The following BPIFB4 variants were observed in gnomAD, a reference collection of about 807,000 sequenced individuals.
The protein encoded by BPIFB4 is BPI fold-containing family B member 4.
In BPIFB4, 62 loss-of-function variants were observed where a neutral mutation model predicts 69.2. That is an observed-to-expected ratio of 0.90 (90% confidence interval 0.73 to 1.11). The LOEUF is 1.11. Among genes scored for constraint, BPIFB4 ranks in the 50% least tolerant of loss-of-function variants. The probability of loss-of-function intolerance (pLI) is 0.00; values close to 1 mark genes in which losing one functional copy is unlikely to be tolerated. For synonymous variants in BPIFB4, 330 were observed against 332.7 expected (o/e 0.99, Z 0.09); for missense variants, 789 against 792.0 (o/e 1.00, Z 0.04).
At chr20:33,085,211 T>A (rs2031726364) in intron 6 of BPIFB4, among the ~76,000 whole-genome samples, 2 of 152,004 alleles carry the variant, frequency 1.3e-5, no homozygotes, top group Admixed American at 6.6e-5. Flanking sequence ...TCCCAGCACT[T>A]TGGGAAGCCG....
In BPIFB4 at chr20:33,090,846, A is replaced by G; in HGVS notation, c.1143+47A>G. ...CAAAGGGTGGTGGCCCTCCTCCCAA[A>G]GGCAGGAGTATCAGTGAGGCCCTCC... On this transcript the variant is annotated intron_variant, in intron 10 of 17. Transcript: ENST00000375483. 4.4e-6 allele frequency: 7 copies of G among 1,608,032 alleles called. No individual in the cohort carries two copies. In the South Asian group the frequency reaches 7.8e-5, roughly 18 times the overall value.
intron 17 of BPIFB4, among the ~76,000 whole-genome samples, chr20:33,110,751 ATTT>A (rs200479862): frequency 9.0e-6 from 1 of 111,500 alleles, no homozygotes. Context: ...AGACTCACGA[ATTT>A]TTTTTTTTTT....
At chr20:33,110,448 T>C (rs1348215609) in intron 17 of BPIFB4, among the ~76,000 whole-genome samples, 1 of 152,248 alleles carries the variant, frequency 6.6e-6, no homozygotes, top group Non-Finnish European at 1.5e-5. Context: ...GCTTAAGTGC[T>C]TCTTCACTGT....
intron 8 of BPIFB4, 141 bp from the exon 9 acceptor site, chr20:33,089,357 C>T: frequency 7.3e-7 from 1 of 1,365,372 alleles, no homozygotes; most frequent in Non-Finnish European, 1.0e-6. Flanking sequence ...ACAGCCTTCC[C>T]CACAGGGCTG....
Position 33,104,765 on chromosome 20 carries a change from G to A in BPIFB4, c.1681-45G>A, listed in dbSNP as rs1439568359. ...CAGACCCAAGGGGCCCTCTGGAGCT[G>A]AGCAAACCCCCTGCCCAGGCTCTGT... On this transcript the variant is annotated intron_variant, in intron 15 of 17. Transcript: ENST00000375483. 6 of 1,595,780 alleles carry A rather than the reference G, an allele frequency of 3.8e-6. No homozygotes were observed. The East Asian group carries it at 1.1e-4, about 30-fold the overall frequency.
chr20:33,100,840 A>C (rs1049216838), intron 14 of BPIFB4, among the ~76,000 whole-genome samples: 2 of 152,186 alleles, frequency 1.3e-5, no homozygotes, highest in African/African-American at 4.8e-5. Flanking sequence ...ACATAGCAAG[A>C]CACCATCTCT....
Position 33,111,732 on chromosome 20 carries a change from A to C in BPIFB4, c.*295A>C. On this transcript the variant is annotated 3_prime_UTR_variant, in exon 18 of 18. Transcript: ENST00000375483. Reference sequence around the variant, plus strand: ...GGTTGAGTATTCCCACTTTCAATAAAAGACTCCACTTTCCCGGCACTTGTG... The same window carrying C: ...GGTTGAGTATTCCCACTTTCAATAACAGACTCCACTTTCCCGGCACTTGTG... 5.1e-6 allele frequency: 2 copies of C among 393,426 alleles called. No homozygotes were observed. The highest frequency in any genetic ancestry group is 4.7e-6 in the Non-Finnish European group (1 of 213,268). 24.4% of individuals were successfully genotyped at this position (393,426 alleles called of 1,614,324 possible). A position where few individuals can be genotyped will look rare whatever the true frequency, so the allele number is the denominator to read the frequency against.
At chr20:33,098,979 T>C (rs1261930111) in intron 13 of BPIFB4, among the ~76,000 whole-genome samples, 1 of 150,688 alleles carries the variant, frequency 6.6e-6, no homozygotes, top group African/African-American at 2.5e-5. Flanking sequence ...GTTACTCCCT[T>C]ACTTCCTTTT....
chr20:33,092,844 A>G (rs1159518057), intron 11 of BPIFB4, among the ~76,000 whole-genome samples, 186 bp downstream of exon 11: 1 of 152,234 alleles, frequency 6.6e-6, no homozygotes, highest in Non-Finnish European at 1.5e-5. Context: ...GGTGCTTGGG[A>G]GGATTTCAGG....
chr20:33,099,946 G>T (rs75567475), intron 13 of BPIFB4, among the ~76,000 whole-genome samples: 5,476 of 152,088 alleles, frequency 0.036, 170 homozygotes, highest in African/African-American at 0.086. Flanking sequence ...AGAGAGATGA[G>T]CCTGGGCCTT....
At chr20:33,083,094 G>T in intron 4 of BPIFB4, 94 bp downstream of exon 4, 2 of 538,472 alleles carry the variant, frequency 3.7e-6, no homozygotes, top group Non-Finnish European at 6.2e-6. Flanking sequence ...CTCCTGGGGG[G>T]CCTGCTTGGT....
chr20:33,110,086 C>A (rs373175922), intron 17 of BPIFB4, among the ~76,000 whole-genome samples: 80 of 152,230 alleles, frequency 5.3e-4, no homozygotes, highest in African/African-American at 1.8e-3. Context: ...TGGTACAAAA[C>A]CGTGAAGAAT....
At chr20:33,107,937 A>G in intron 17 of BPIFB4, 117 bp downstream of exon 17, 2 of 884,872 alleles carry the variant, frequency 2.3e-6, no homozygotes, top group East Asian at 5.3e-5. Flanking sequence ...GAAGGGGAGG[A>G]AACAGGGTCC....
Position 33,097,753 on chromosome 20 carries a change from A to G in BPIFB4, c.1535A>G (p.Lys512Arg). The change falls in exon 13 of 18, where the codon AAA becomes AGA. Residue 512 changes from lysine to arginine, a missense_variant. Transcript: ENST00000375483. ...GCCGAGGTCATGGTCTCCCAGCCCA[A>G]AGACCTGGAGACTACCATCTGCCTC... ...ATAEVMVSQPKDLETTICLID... is the reference protein window; with the variant it reads ...ATAEVMVSQPRDLETTICLID... 1 of 1,614,072 alleles carries G rather than the reference A, an allele frequency of 6.2e-7. No individual in the cohort carries two copies. The highest frequency in any genetic ancestry group is 1.1e-5 in the South Asian group (1 of 91,076).
At chr20:33,087,248 C>G (rs2146405020) in intron 7 of BPIFB4, among the ~76,000 whole-genome samples, 1 of 152,306 alleles carries the variant, frequency 6.6e-6, no homozygotes, top group South Asian at 2.1e-4. Context: ...AGGGCCTCCT[C>G]CTATCCCACC....
Position 33,083,602 on chromosome 20 carries a change from C to A in BPIFB4, c.405C>A (p.Gly135=). 6.2e-7 allele frequency: 1 copy of A among 1,613,994 alleles called. No individual in the cohort carries two copies. The highest frequency in any genetic ancestry group is 1.7e-4 in the Middle Eastern group (1 of 6,056). ...AGAATGCATATGGAGGCCACAGGGG[C>A]CTCGGGCGATACAGGGCAGCACCTG... The part of the protein sequence containing the change: ...SAENAYGGHR[G]LGRYRAAPVG... The change falls in exon 5 of 18, where the codon GGC becomes GGA. Residue 135 remains glycine, a synonymous_variant. Coordinates refer to ENST00000375483, the MANE Select transcript of BPIFB4 (RefSeq NM_182519.3).
chr20:33,081,205 T>A (rs1033284681), intron 2 of BPIFB4, among the ~76,000 whole-genome samples: 1 of 152,214 alleles, frequency 6.6e-6, no homozygotes, highest in African/African-American at 2.4e-5. Flanking sequence ...TTTGTTGGAA[T>A]CCCTATTACC....
rs184859093 is a variant in BPIFB4, at chr20:33,089,097, G to A, written c.990+68G>A. ...CCCCAGACTGAGGGGCCATAGTCCA[G>A]CCTCCATCCCTGGGGGCCTGCAGGT... On this transcript the variant is annotated intron_variant, in intron 8 of 17. Transcript: ENST00000375483. 363 of 1,609,964 alleles carry A rather than the reference G, an allele frequency of 2.3e-4. 1 individual carries two copies. The African/African-American group carries it at 4.4e-3, about 20-fold the overall frequency.
At position 33,083,416 on chromosome 20, in the gene BPIFB4, A is replaced by G; in HGVS notation, c.219A>G (p.Pro73=). 1.2e-6 allele frequency: 2 copies of G among 1,613,248 alleles called. No individual in the cohort carries two copies. Among genetic ancestry groups the G allele is most frequent in the Non-Finnish European group, 1.7e-6 (2 of 1,179,504 alleles). The change falls in exon 5 of 18, where the codon CCA becomes CCG. Residue 73 remains proline, a synonymous_variant. Coordinates refer to ENST00000375483, the MANE Select transcript of BPIFB4 (RefSeq NM_182519.3). The part of the protein sequence containing the change: ...YNDFHVRGPP[P]VYTNGKKLDG... ...ACTTCCATGTCCGAGGACCCCCCCC[A>G]GTATATACCAACGGCAAAAAACTTG...
Sources: gnomAD v4.1 joint callset for allele counts (sites outside exome capture counted in the v4.1 genomes callset) on GRCh38, gnomAD v4.1.1 for gene constraint, MANE v1.5 for transcripts, NCBI Gene and HGNC (gene_info 2026-07-23, HGNC 2026-07-21) for gene names.